HDAC9: variants seen among roughly 807,000 people sequenced by gnomAD.
HDAC9 encodes histone deacetylase 9.
HDAC9 carries 41 observed loss-of-function variants against 139.4 expected under a neutral mutation model. The observed-to-expected ratio is 0.29, with a 90% CI of 0.23 to 0.38. HDAC9 has a LOEUF of 0.38. HDAC9 is among the 10% of genes least tolerant of loss of function. The pLI, the probability that HDAC9 is intolerant of heterozygous loss-of-function variation, is 1.00. For missense variants in HDAC9, 1,147 were observed against 1,297.0 expected (o/e 0.88, Z 1.78); for synonymous variants, 517 against 476.2 (o/e 1.09, Z -1.12).
intron 2 of HDAC9, among the ~76,000 whole-genome samples, chr7:18,270,304 A>AAC (rs1562817687): frequency 6.6e-6 from 1 of 151,180 alleles, no homozygotes; most frequent in African/African-American, 2.4e-5. Flanking sequence ...TAAACAAAAA[A>AAC]AAAACTGTGA....
chr7:18,448,851 C>T (rs1278482438), intron 1 of HDAC9, among the ~76,000 whole-genome samples: 5 of 151,898 alleles, frequency 3.3e-5, no homozygotes, highest in African/African-American at 1.2e-4. Context: ...GTTGATAGTT[C>T]AAGAAGACCA....
At chr7:18,359,376 A>G (rs1475029056) in intron 1 of HDAC9, among the ~76,000 whole-genome samples, 1 of 152,080 alleles carries the variant, frequency 6.6e-6, no homozygotes, top group Non-Finnish European at 1.5e-5. Flanking sequence ...TAAATAGTAA[A>G]TTGTGGCAGT....
upstream of HDAC9, among the ~76,000 whole-genome samples, chr7:18,285,867 T>G (rs946329146): frequency 1.4e-4 from 21 of 152,066 alleles, no homozygotes; most frequent in Non-Finnish European, 2.5e-4. Flanking sequence ...CTAAATTTAG[T>G]CAAGTGTCAA....
At chr7:18,780,036 CT>C (rs1170286079) in intron 16 of HDAC9, among the ~76,000 whole-genome samples, 1 of 152,016 alleles carries the variant, frequency 6.6e-6, no homozygotes, top group East Asian at 1.9e-4. Flanking sequence ...GCTTTTTCAA[CT>C]CTAAAGTGCA....
At chr7:18,153,863 G>T (rs1786973778) in intron 1 of HDAC9, among the ~76,000 whole-genome samples, 1 of 152,110 alleles carries the variant, frequency 6.6e-6, no homozygotes. Context: ...CATTGTGTGG[G>T]TATTTTCTGT....
chr7:18,512,840 A>G (rs1162560482), intron 2 of HDAC9, among the ~76,000 whole-genome samples: 2 of 152,182 alleles, frequency 1.3e-5, no homozygotes, highest in Non-Finnish European at 2.9e-5. Flanking sequence ...AGTGTGCACA[A>G]ATGGCAGTTT....
intron 8 of HDAC9, among the ~76,000 whole-genome samples, chr7:18,640,904 A>G (rs1785391190): frequency 6.6e-6 from 1 of 152,036 alleles, no homozygotes; most frequent in African/African-American, 2.4e-5. Context: ...GCTTAATGAG[A>G]TAATTTCTCG....
At chr7:18,161,390 G>A (rs1304184396) in intron 1 of HDAC9, among the ~76,000 whole-genome samples, 1 of 152,144 alleles carries the variant, frequency 6.6e-6, no homozygotes, top group Admixed American at 6.5e-5. Flanking sequence ...TGAAGATAAA[G>A]GAGTATATAA....
At chr7:18,880,089 G>A (rs1296070086) in intron 22 of HDAC9, among the ~76,000 whole-genome samples, 1 of 151,972 alleles carries the variant, frequency 6.6e-6, no homozygotes, top group Non-Finnish European at 1.5e-5. Context: ...AGAGAAATGC[G>A]ATCAAAGCCA....
chr7:18,089,356 T>C (rs1782003705), intron 1 of HDAC9, among the ~76,000 whole-genome samples: 2 of 152,166 alleles, frequency 1.3e-5, no homozygotes, highest in African/African-American at 2.4e-5. Context: ...TAATGATGGC[T>C]CTTTTGCAAT....
chr7:18,594,571 T>C (rs1221395094), intron 6 of HDAC9, among the ~76,000 whole-genome samples: 1 of 152,104 alleles, frequency 6.6e-6, no homozygotes, highest in African/African-American at 2.4e-5. Context: ...AAATTATATC[T>C]GATAATCTCA....
At chr7:18,296,819 G>T (rs1447121478) in intron 1 of HDAC9, among the ~76,000 whole-genome samples, 1 of 152,166 alleles carries the variant, frequency 6.6e-6, no homozygotes, top group East Asian at 1.9e-4. Flanking sequence ...GTGGAGAAAG[G>T]GGGAGCCTAA....
intron 7 of HDAC9, among the ~76,000 whole-genome samples, chr7:18,630,660 A>T (rs1422535954): frequency 2.0e-5 from 3 of 152,106 alleles, no homozygotes; most frequent in Non-Finnish European, 4.4e-5. Flanking sequence ...AAATACAATT[A>T]TTTTACTAGA....
chr7:18,716,869 T>C (rs1372169172), intron 12 of HDAC9, among the ~76,000 whole-genome samples: 1 of 152,218 alleles, frequency 6.6e-6, no homozygotes, highest in Non-Finnish European at 1.5e-5. Context: ...ATACTTCAGC[T>C]GAAAGCTTTG....
chr7:18,299,162 A>G (rs1324816992), intron 1 of HDAC9, among the ~76,000 whole-genome samples: 1 of 151,764 alleles, frequency 6.6e-6, no homozygotes, highest in Admixed American at 6.6e-5. Context: ...CAAGAGTAAG[A>G]TTTTTTTAAA....
At chr7:18,626,412 T>G (rs1054807563) in intron 6 of HDAC9, among the ~76,000 whole-genome samples, 3 of 152,144 alleles carry the variant, frequency 2.0e-5, no homozygotes, top group Admixed American at 6.5e-5. Flanking sequence ...CCCATGGGCT[T>G]AGAGAAGGAA....
At chr7:18,374,883 A>G (rs972306848) in intron 1 of HDAC9, among the ~76,000 whole-genome samples, 2 of 152,096 alleles carry the variant, frequency 1.3e-5, no homozygotes, top group African/African-American at 4.8e-5. Flanking sequence ...GCCTGGTGCT[A>G]TTAAGCTGTC....
intron 1 of HDAC9, among the ~76,000 whole-genome samples, chr7:18,365,477 A>T (rs1392695082): frequency 6.6e-6 from 1 of 152,148 alleles, no homozygotes; most frequent in Non-Finnish European, 1.5e-5. Context: ...ATTATTGAGT[A>T]GAAATAAAGA....
chr7:18,270,676 A>T (rs75231059), intron 2 of HDAC9, among the ~76,000 whole-genome samples: 1 of 152,186 alleles, frequency 6.6e-6, no homozygotes, highest in Non-Finnish European at 1.5e-5. Context: ...AAAAAAGAGT[A>T]GGAGGAAAAA....
Sources: allele counts gnomAD v4.1 joint callset (sites outside exome capture counted in the v4.1 genomes callset), GRCh38; gene constraint gnomAD v4.1.1; transcripts MANE v1.5; gene names NCBI Gene and HGNC (gene_info 2026-07-23, HGNC 2026-07-21).